Variants in UBQLN1 observed in about 807,000 individuals in gnomAD.
UBQLN1 encodes ubiquilin-1.
Under a neutral mutation model 65.4 loss-of-function variants are expected in UBQLN1, and 13 were observed. The ratio of observed to expected loss-of-function variants is 0.20; its 90% CI spans 0.13 to 0.32. The LOEUF is 0.32. Ranked by LOEUF, UBQLN1 falls within the 10% of genes least tolerant of loss-of-function variation. The pLI is 1.00. For synonymous variants in UBQLN1, 267 were observed against 247.8 expected, an observed-to-expected ratio of 1.08 and a Z score of -0.73; for missense variants, 561 against 724.0, an observed-to-expected ratio of 0.77 and a Z score of 2.58.
intron 2 of UBQLN1, among the ~76,000 whole-genome samples, chr9:83,683,786 G>A (rs1831990790): frequency 6.6e-6 from 1 of 152,128 alleles, no homozygotes; most frequent in African/African-American, 2.4e-5. Context: ...ACTTTGCGAG[G>A]CCGAGGCAGG....
intron 1 of UBQLN1, among the ~76,000 whole-genome samples, chr9:83,699,948 G>A (rs765146934): frequency 2.6e-5 from 4 of 152,052 alleles, no homozygotes; most frequent in Admixed American, 1.3e-4. Flanking sequence ...GTTTAATAAC[G>A]GTATCTTGAA....
At position 83,680,052 on chromosome 9, in the gene UBQLN1, G is replaced by A. The variant is rs1204919717; in HGVS notation, c.449-15C>T. The A allele has an allele frequency of 3.8e-6, 6 of 1,575,008 alleles. No homozygotes were observed. Among genetic ancestry groups the A allele is most frequent in the South Asian group, 2.3e-5 (2 of 86,510 alleles). ...CCCAAGGCCACCTAAGAGGATAAAG[G>A]GCAAAAACATACAAATCAAAGTCAG... On this transcript the variant is annotated splice_polypyrimidine_tract_variant and intron_variant, in intron 3 of 10. Transcript: ENST00000376395.
At chr9:83,663,082 A>AAG (rs199812188) in intron 10 of UBQLN1, among the ~76,000 whole-genome samples, 4 of 149,710 alleles carry the variant, frequency 2.7e-5, no homozygotes, top group Non-Finnish European at 5.9e-5. Context: ...AAAAAAAAAA[A>AAG]GGGAAAGGCA....
At chr9:83,687,760 C>T (rs1458915037) in intron 1 of UBQLN1, among the ~76,000 whole-genome samples, 3 of 152,064 alleles carry the variant, frequency 2.0e-5, no homozygotes, top group Non-Finnish European at 4.4e-5. Context: ...AATCAATTTA[C>T]AACAGCCAAT....
rs1281161817 is a variant in UBQLN1, at chr9:83,688,057, C to T, written c.181-1902G>A. ...ACAGGTCATAATTTAACTATACTCCCATTATTAGACATCTCATTTTTCCCT... is the reference window on the plus strand; with the variant it reads ...ACAGGTCATAATTTAACTATACTCCTATTATTAGACATCTCATTTTTCCCT... On this transcript the variant is annotated intron_variant, in intron 1 of 10. Transcript: ENST00000376395. 1.3e-5 allele frequency among the ~76,000 whole-genome samples: 2 copies of T among 152,096 alleles called. 1 individual carries two copies. Among genetic ancestry groups the T allele is most frequent in the Admixed American group, 1.3e-4 (2 of 15,274 alleles).
At chr9:83,669,734 T>C (rs1016875805) in intron 6 of UBQLN1, among the ~76,000 whole-genome samples, 2 of 152,220 alleles carry the variant, frequency 1.3e-5, no homozygotes, top group Non-Finnish European at 2.9e-5. Context: ...CCCACCCTTA[T>C]GAAAGAAGTA....
intron 2 of UBQLN1, among the ~76,000 whole-genome samples, chr9:83,684,002 C>T (rs973974350): frequency 7.9e-5 from 12 of 152,026 alleles, no homozygotes; most frequent in Admixed American, 2.0e-4. Context: ...GCCTGGGTGA[C>T]AGAGAGAGAC....
chr9:83,667,780 A>G, intron 7 of UBQLN1: 1 of 969,820 alleles, frequency 1.0e-6, no homozygotes. Context: ...TTTACACTCA[A>G]GAGTCTTTTT....
rs117760699 is a variant in UBQLN1, at chr9:83,674,517, T to C, written c.1105+3210A>G. 8.3e-3 allele frequency among the ~76,000 whole-genome samples: 1,267 copies of C among 152,300 alleles called. 35 individuals carry two copies. Among genetic ancestry groups the C allele is most frequent in the East Asian group, 0.046 (237 of 5,182 alleles). ...AACCAAAGTTAAGTTTCCAAGTGGC[T>C]TGTTAGCCAAAGGAAGCCAAGTACT... is the stretch of plus-strand genomic sequence containing the variant. On this transcript the variant is annotated intron_variant, in intron 6 of 10. Coordinates refer to ENST00000376395, the MANE Select transcript of UBQLN1 (RefSeq NM_013438.5).
chr9:83,667,006 A>C (rs952890060), intron 7 of UBQLN1: 1 of 152,434 alleles, frequency 6.6e-6, no homozygotes, highest in East Asian at 1.9e-4. Flanking sequence ...CTAGGTGAAA[A>C]TCAGTCAGGC....
At chr9:83,666,299 T>C in intron 8 of UBQLN1, 51 bp downstream of exon 8, 1 of 1,580,338 alleles carries the variant, frequency 6.3e-7, no homozygotes. Context: ...TATCATCAAA[T>C]TTTTTCAAGC....
chr9:83,701,539 G>A lies in UBQLN1; in HGVS notation c.180+5961C>T, dbSNP rs1406726603. Among the ~76,000 whole-genome samples the A allele has an allele frequency of 1.3e-5, 2 of 152,148 alleles. 1 individual carries two copies. Among genetic ancestry groups the A allele is most frequent in the African/African-American group, 4.8e-5 (2 of 41,432 alleles). On this transcript the variant is annotated intron_variant, in intron 1 of 10. Coordinates refer to ENST00000376395, the MANE Select transcript of UBQLN1 (RefSeq NM_013438.5). ...TGCTCAGATAACAAAAAGCAAATTT[G>A]TCTAGCAGGCTGTCCAGTTTTCCTC...
At chr9:83,707,325 T>C (rs1056528841) in intron 1 of UBQLN1, among the ~76,000 whole-genome samples, 175 bp downstream of exon 1, 1 of 152,106 alleles carries the variant, frequency 6.6e-6, no homozygotes, top group African/African-American at 2.4e-5. Context: ...CCACAAACCA[T>C]TGCGGTGTCC....
intron 1 of UBQLN1, among the ~76,000 whole-genome samples, chr9:83,688,638 C>G (rs1282731870): frequency 1.3e-5 from 2 of 151,812 alleles, no homozygotes; most frequent in African/African-American, 2.4e-5. Context: ...CCGAGGCGGG[C>G]AGATGACAGG....
intron 6 of UBQLN1, among the ~76,000 whole-genome samples, chr9:83,673,950 C>A (rs1019079003): frequency 6.6e-6 from 1 of 152,030 alleles, no homozygotes; most frequent in African/African-American, 2.4e-5. Context: ...TACAGCTGCA[C>A]ACCATGCCCG....
chr9:83,696,154 G>T (rs948217678), intron 1 of UBQLN1, among the ~76,000 whole-genome samples: 2 of 152,070 alleles, frequency 1.3e-5, no homozygotes, highest in African/African-American at 2.4e-5. Flanking sequence ...TGGCCAGGAC[G>T]GTCTCAAACT....
intron 7 of UBQLN1, chr9:83,668,440 T>G: frequency 1.0e-6 from 1 of 985,376 alleles, no homozygotes; most frequent in South Asian, 4.7e-5. Flanking sequence ...ACATTCTCCG[T>G]GGTTTTTCAA....
At chr9:83,663,807 T>G (rs1831600180) in intron 10 of UBQLN1, 68 bp downstream of exon 10, 1 of 1,540,980 alleles carries the variant, frequency 6.5e-7, no homozygotes, top group East Asian at 2.3e-5. Context: ...CCCTTTTTCC[T>G]TCTTTTTGGA....
intron 10 of UBQLN1, 96 bp downstream of exon 10, chr9:83,663,779 A>T: frequency 7.5e-7 from 1 of 1,330,962 alleles, no homozygotes; most frequent in Non-Finnish European, 1.0e-6. Flanking sequence ...CCTAAGAACT[A>T]CTGCTTTCCT....
Sources: allele counts gnomAD v4.1 joint callset (sites outside exome capture counted in the v4.1 genomes callset), GRCh38; gene constraint gnomAD v4.1.1; transcripts MANE v1.5; gene names NCBI Gene and HGNC (gene_info 2026-07-23, HGNC 2026-07-21).